The following TAOK1 variants were observed in gnomAD, a reference collection of about 807,000 sequenced individuals.
TAOK1 encodes the protein serine/threonine-protein kinase TAO1.
TAOK1 carries 21 observed loss-of-function variants against 138.3 expected under a neutral mutation model. The observed-to-expected ratio is 0.15, with a 90% CI of 0.11 to 0.22. The LOEUF (loss-of-function observed/expected upper bound fraction) is 0.22. TAOK1 is among the 10% of genes least tolerant of loss of function. TAOK1 has a pLI of 1.00. For synonymous variants in TAOK1, 361 were observed against 398.4 expected, an observed-to-expected ratio of 0.91 and a Z score of 1.12; for missense variants, 651 against 1,227.7, an observed-to-expected ratio of 0.53 and a Z score of 7.02.
chr17:29,474,910 A>G (rs1435186462), intron 3 of TAOK1, among the ~76,000 whole-genome samples: 3 of 151,062 alleles, frequency 2.0e-5, no homozygotes, highest in Non-Finnish European at 4.4e-5. Flanking sequence ...GTAAATTGAG[A>G]TATGCCTGTA....
At chr17:29,394,149 A>AT (rs1904513374) in intron 1 of TAOK1, among the ~76,000 whole-genome samples, 7 of 56,440 alleles carry the variant, frequency 1.2e-4, no homozygotes, top group African/African-American at 3.7e-4. Context: ...ATAATTTGCC[A>AT]GTTTTTTTTT....
At chr17:29,534,751 A>G (rs2032192770) in intron 19 of TAOK1, among the ~76,000 whole-genome samples, 1 of 152,228 alleles carries the variant, frequency 6.6e-6, no homozygotes, top group African/African-American at 2.4e-5. Flanking sequence ...GGAGCTATAC[A>G]GATTGGTAGA....
chr17:29,421,940 C>G (rs1905456868), intron 1 of TAOK1, among the ~76,000 whole-genome samples: 1 of 152,088 alleles, frequency 6.6e-6, no homozygotes, highest in South Asian at 2.1e-4. Flanking sequence ...CTGTGTCACC[C>G]AGGCTGGAGT....
intron 7 of TAOK1, 41 bp from the exon 8 acceptor site, chr17:29,482,156 T>C (rs1387738506): frequency 1.4e-6 from 2 of 1,481,194 alleles, no homozygotes; most frequent in South Asian, 2.3e-5. Context: ...TAGAATACTT[T>C]TTAAAAAAAA....
intron 1 of TAOK1, among the ~76,000 whole-genome samples, chr17:29,424,566 G>T (rs773167681): frequency 6.6e-6 from 1 of 152,110 alleles, no homozygotes; most frequent in Non-Finnish European, 1.5e-5. Context: ...TAGAAGTTGG[G>T]TGACCTACAT....
intron 1 of TAOK1, among the ~76,000 whole-genome samples, chr17:29,417,509 A>C (rs1905297704): frequency 6.6e-6 from 1 of 152,188 alleles, no homozygotes; most frequent in African/African-American, 2.4e-5. Flanking sequence ...CAGTCCAGCT[A>C]TAGTTGGCAA....
chr17:29,491,979 G>T, intron 10 of TAOK1, 114 bp downstream of exon 10: 3 of 702,304 alleles, frequency 4.3e-6, no homozygotes, highest in Non-Finnish European at 7.1e-6. Context: ...TGACCTCCCA[G>T]GCTCAAGCGA....
chr17:29,397,695 A>G (rs1179474240), intron 1 of TAOK1, among the ~76,000 whole-genome samples: 3 of 86,252 alleles, frequency 3.5e-5, no homozygotes, highest in Non-Finnish European at 7.0e-5. Flanking sequence ...ATGTATATTC[A>G]TGTATGCATA....
intron 12 of TAOK1, among the ~76,000 whole-genome samples, chr17:29,500,039 A>T (rs1796283429): frequency 6.6e-6 from 1 of 152,128 alleles, no homozygotes; most frequent in African/African-American, 2.4e-5. Context: ...TAAGGCTGGG[A>T]GTAGAGGCCC....
At chr17:29,452,221 T>A (rs1177576509) in intron 2 of TAOK1, among the ~76,000 whole-genome samples, 3 of 147,944 alleles carry the variant, frequency 2.0e-5, no homozygotes, top group Admixed American at 6.7e-5. Context: ...TCACAAAAAA[T>A]AAATAAATAA....
chr17:29,482,808 A>T (rs896613112), intron 8 of TAOK1, among the ~76,000 whole-genome samples: 3 of 151,872 alleles, frequency 2.0e-5, no homozygotes, highest in African/African-American at 7.3e-5. Flanking sequence ...AGGTATATGC[A>T]TCACTGTAGC....
At chr17:29,516,395 C>A (rs898002588) in intron 15 of TAOK1, among the ~76,000 whole-genome samples, 9 of 150,758 alleles carry the variant, frequency 6.0e-5, no homozygotes, top group African/African-American at 2.2e-4. Context: ...AGTGCAGTGG[C>A]ACAATCTTGG....
intron 13 of TAOK1, among the ~76,000 whole-genome samples, chr17:29,504,656 C>G (rs760393982): frequency 6.6e-6 from 1 of 151,482 alleles, no homozygotes; most frequent in African/African-American, 2.4e-5. Context: ...GGCGTCAGAG[C>G]GAGACTCTGT....
intron 17 of TAOK1, among the ~76,000 whole-genome samples, chr17:29,525,524 C>G (rs1168414508): frequency 6.6e-6 from 1 of 152,034 alleles, no homozygotes; most frequent in East Asian, 1.9e-4. Flanking sequence ...CATGCCTCAG[C>G]CTCCCAAGTA....
intron 16 of TAOK1, among the ~76,000 whole-genome samples, chr17:29,520,645 C>T (rs1185839552): frequency 6.6e-6 from 1 of 151,736 alleles, no homozygotes; most frequent in African/African-American, 2.4e-5. Context: ...GAACTCCTGA[C>T]CTCAGATGAT....
At chr17:29,480,686 T>C (rs1334603791) in intron 7 of TAOK1, among the ~76,000 whole-genome samples, 1 of 151,766 alleles carries the variant, frequency 6.6e-6, no homozygotes, top group Non-Finnish European at 1.5e-5. Flanking sequence ...CTGGCCAACA[T>C]GGTGAGACCC....
At chr17:29,441,797 C>T (rs1015583020) in intron 1 of TAOK1, among the ~76,000 whole-genome samples, 1 of 151,932 alleles carries the variant, frequency 6.6e-6, no homozygotes, top group African/African-American at 2.4e-5. Flanking sequence ...ACTCAGGAGG[C>T]TGAGGCAGGA....
chr17:29,539,141 A>G (rs1340974181), intron 19 of TAOK1, among the ~76,000 whole-genome samples: 1 of 152,122 alleles, frequency 6.6e-6, no homozygotes, highest in Non-Finnish European at 1.5e-5. Flanking sequence ...GTGCGCCTGT[A>G]GTACCAGCTC....
intron 1 of TAOK1, chr17:29,424,700 C>G (rs1905579174): frequency 1.3e-5 from 2 of 152,070 alleles, no homozygotes; most frequent in Admixed American, 1.3e-4. Context: ...CCTTTAGTTT[C>G]TCTTTTTGCT....
Sources: gnomAD v4.1 joint callset for allele counts (sites outside exome capture counted in the v4.1 genomes callset) on GRCh38, gnomAD v4.1.1 for gene constraint, MANE v1.5 for transcripts, NCBI Gene and HGNC (gene_info 2026-07-23, HGNC 2026-07-21) for gene names.